Variants in TENM2 observed in about 807,000 individuals in gnomAD.
TENM2 encodes the protein teneurin-2.
Under a neutral mutation model 245.2 loss-of-function variants are expected in TENM2, and 52 were observed. The ratio of observed to expected loss-of-function variants is 0.21; its 90% confidence interval spans 0.17 to 0.27. The LOEUF (loss-of-function observed/expected upper bound fraction) is 0.27. TENM2 is among the 10% of genes least tolerant of loss of function. The pLI is 1.00. For missense variants in TENM2, 3,046 were observed against 3,666.8 expected, an observed-to-expected ratio of 0.83 and a Z score of 4.37; for synonymous variants, 1,363 against 1,438.9, an observed-to-expected ratio of 0.95 and a Z score of 1.19.
intron 22 of TENM2, among the ~76,000 whole-genome samples, chr5:168,217,128 A>AAG (rs1763268368): frequency 6.6e-6 from 1 of 152,030 alleles, no homozygotes; most frequent in Non-Finnish European, 1.5e-5. Context: ...GAGAGAGAGC[A>AAG]AGAGAGAGGG....
chr5:167,645,470 A>G (rs1178851814), intron 2 of TENM2, among the ~76,000 whole-genome samples: 2 of 151,994 alleles, frequency 1.3e-5, no homozygotes, highest in African/African-American at 4.8e-5. Flanking sequence ...CCACCAGAAA[A>G]TCCCCCTCAA....
chr5:167,835,239 T>A (rs1768884035), intron 2 of TENM2, among the ~76,000 whole-genome samples: 1 of 152,204 alleles, frequency 6.6e-6, no homozygotes, highest in Admixed American at 6.5e-5. Flanking sequence ...ACGGTGTGAT[T>A]CACCAGAGTG....
chr5:167,476,621 G>A, intron 2 of TENM2, among the ~76,000 whole-genome samples: 1 of 152,064 alleles, frequency 6.6e-6, no homozygotes, highest in South Asian at 2.1e-4. Flanking sequence ...TTTTGAGGTG[G>A]AGTTTCACTC....
rs1357358223 is a variant in TENM2, at chr5:168,094,924, C to T, written c.1712-3102C>T. 2.0e-5 allele frequency among the ~76,000 whole-genome samples: 3 copies of T among 151,914 alleles called. No homozygotes were observed. The East Asian group carries it at 5.8e-4, about 29-fold the overall frequency. On this transcript the variant is annotated intron_variant, in intron 8 of 28. Transcript: ENST00000518659. ...CATTAGATTATCATAGGAGGGCAAA[C>T]CCTATTGTGAACTGTGCATGCGAGG...
intron 2 of TENM2, among the ~76,000 whole-genome samples, chr5:167,715,902 T>A (rs931756592): frequency 6.6e-6 from 1 of 152,228 alleles, no homozygotes; most frequent in Non-Finnish European, 1.5e-5. Flanking sequence ...CAAATTATAT[T>A]TTTTTAAGCG....
chr5:167,306,269 G>A (rs1755669955), intron 1 of TENM2: 1 of 152,222 alleles, frequency 6.6e-6, no homozygotes, highest in Admixed American at 6.5e-5. Flanking sequence ...TTTTCCGTAA[G>A]TCTTGCTTTC....
chr5:167,038,181 G>T, the TENM2 span, among the ~76,000 whole-genome samples: 1 of 152,178 alleles, frequency 6.6e-6, no homozygotes, highest in African/African-American at 2.4e-5. Context: ...GGCAAAGGGC[G>T]CAGGAGAAAA....
intron 1 of TENM2, among the ~76,000 whole-genome samples, chr5:167,358,813 A>G (rs908559806): frequency 1.4e-4 from 1 of 6,904 alleles, no homozygotes; most frequent in Non-Finnish European, 5.1e-4. Flanking sequence ...GCACACACAC[A>G]CACACACACA....
chr5:167,710,039 A>G (rs944586913), intron 2 of TENM2, among the ~76,000 whole-genome samples: 8 of 152,194 alleles, frequency 5.3e-5, no homozygotes, highest in Admixed American at 2.6e-4. Flanking sequence ...CAAAAGATCT[A>G]CTGGTGATGG....
At chr5:167,118,350 C>T in the TENM2 span, among the ~76,000 whole-genome samples, 1 of 152,080 alleles carries the variant, frequency 6.6e-6, no homozygotes. Context: ...CCAGCTTGCA[C>T]TGAAATAGAA....
intron 2 of TENM2, among the ~76,000 whole-genome samples, chr5:167,621,991 G>A (rs1289156898): frequency 6.6e-6 from 1 of 152,030 alleles, no homozygotes; most frequent in Non-Finnish European, 1.5e-5. Flanking sequence ...ACATGTTTAG[G>A]CTAATATGTG....
chr5:168,181,850 T>C (rs1759927876), intron 13 of TENM2, among the ~76,000 whole-genome samples: 1 of 151,984 alleles, frequency 6.6e-6, no homozygotes, highest in Admixed American at 6.6e-5. Flanking sequence ...CTAATTTTTG[T>C]ATTTTTAGTA....
At chr5:167,258,362 A>G in the TENM2 span, among the ~76,000 whole-genome samples, 1 of 151,920 alleles carries the variant, frequency 6.6e-6, no homozygotes, top group Non-Finnish European at 1.5e-5. Flanking sequence ...ATGTAACAAA[A>G]TGTCCAGAGG....
intron 1 of TENM2, among the ~76,000 whole-genome samples, chr5:167,333,510 A>G (rs17068325): frequency 0.018 from 2,725 of 152,328 alleles, 33 homozygotes; most frequent in East Asian, 0.055. Flanking sequence ...ATGTTCTTCC[A>G]AAGTCTTTCA....
chr5:167,602,238 A>G (rs565307318), intron 2 of TENM2, among the ~76,000 whole-genome samples: 1 of 152,216 alleles, frequency 6.6e-6, no homozygotes, highest in East Asian at 1.9e-4. Flanking sequence ...TTTGTTTCTC[A>G]TCTATTTCTC....
Position 168,218,075 on chromosome 5 carries a change from G to GTC in TENM2, c.4234-49_4234-48insCT. The GTC allele has an allele frequency of 6.4e-7, 1 of 1,572,726 alleles. No homozygotes were observed. Among genetic ancestry groups the GTC allele is most frequent in the Non-Finnish European group, 8.7e-7 (1 of 1,155,302 alleles). On this transcript the variant is annotated intron_variant, in intron 22 of 28. Coordinates refer to ENST00000518659, the Ensembl canonical transcript of TENM2. The surrounding 1 kb of genome is among the most constrained non-coding windows in gnomAD (Gnocchi z 5.2). ...ACCAGTAAGTGCCGTACGGTTAAAC[G>GTC]TTGGACATATTAAAGGCTGTTCTTT...
the TENM2 span, among the ~76,000 whole-genome samples, chr5:167,093,103 A>G: frequency 6.6e-6 from 1 of 152,134 alleles, no homozygotes; most frequent in Non-Finnish European, 1.5e-5. Flanking sequence ...GGAGAGTCCT[A>G]AATTACACTA....
At chr5:168,101,130 G>A (rs1219316530) in intron 9 of TENM2, among the ~76,000 whole-genome samples, 1 of 152,008 alleles carries the variant, frequency 6.6e-6, no homozygotes, top group Non-Finnish European at 1.5e-5. Flanking sequence ...GGAGCAAGGA[G>A]AACAGAGAAC....
At chr5:167,682,053 TCTTCCTTCCTTCCTTCTTTC>T (rs1756746860) in intron 2 of TENM2, among the ~76,000 whole-genome samples, 1 of 147,150 alleles carries the variant, frequency 6.8e-6, no homozygotes, top group Non-Finnish European at 1.5e-5. Context: ...TCCTTCCCTT[TCTTCCTTCCTTCCTTCTTTC>T]CTTCCTTCCT....
Sources: allele counts gnomAD v4.1 joint callset (sites outside exome capture counted in the v4.1 genomes callset), GRCh38; gene constraint gnomAD v4.1.1; non-coding constraint Gnocchi (gnomAD v3.1); transcripts MANE v1.5; gene names NCBI Gene and HGNC (gene_info 2026-07-23, HGNC 2026-07-21).